UGCG: variants seen among roughly 807,000 people sequenced by gnomAD.
The protein encoded by UGCG is ceramide glucosyltransferase.
A neutral mutation model predicts 49.5 loss-of-function variants in UGCG; 10 were observed. The observed-to-expected ratio is 0.20, with a 90% CI of 0.12 to 0.34. The LOEUF is 0.34. Among genes scored for constraint, UGCG ranks in the 10% least tolerant of loss-of-function variants. UGCG has a pLI of 1.00. For missense variants in UGCG, 312 were observed against 483.7 expected (o/e 0.65, Z 3.33); for synonymous variants, 182 against 158.2 (o/e 1.15, Z -1.13).
At chr9:111,923,614 A>G (rs1838266738) in intron 3 of UGCG, among the ~76,000 whole-genome samples, 1 of 151,744 alleles carries the variant, frequency 6.6e-6, no homozygotes, top group Non-Finnish European at 1.5e-5. Flanking sequence ...TTACTGTCAT[A>G]TATTTATGGG....
chr9:111,911,909 T>G (rs1471579552), intron 1 of UGCG, among the ~76,000 whole-genome samples: 5 of 3,856 alleles, frequency 1.3e-3, no homozygotes, highest in African/African-American at 2.8e-3. Context: ...CAACAGGATA[T>G]ATATATATAT....
intron 2 of UGCG, among the ~76,000 whole-genome samples, chr9:111,919,328 C>G (rs1325781389): frequency 1.3e-5 from 2 of 151,824 alleles, no homozygotes; most frequent in East Asian, 3.9e-4. Context: ...ACTAAAAATA[C>G]AAAAATTAGC....
At chr9:111,919,262 G>A (rs1354822722) in intron 2 of UGCG, among the ~76,000 whole-genome samples, 1 of 152,180 alleles carries the variant, frequency 6.6e-6, no homozygotes, top group Non-Finnish European at 1.5e-5. Flanking sequence ...TACTTTGGAA[G>A]GCTGAGGTGG....
intron 1 of UGCG, 62 bp downstream of exon 1, chr9:111,897,375 A>G (rs1837683097): frequency 7.3e-7 from 1 of 1,378,924 alleles, no homozygotes; most frequent in African/African-American, 1.5e-5. Context: ...ACAGGCGAGA[A>G]TGGGAAACGT....
rs1838456740 is a variant in UGCG at position 111,933,114 on chromosome 9, G to C, written c.*117G>C. On this transcript the variant is annotated 3_prime_UTR_variant, in exon 9 of 9. Transcript: ENST00000374279. Reference sequence around the variant, plus strand: ...TTATCACATGTATGTTTTGGTATCTGTTCTTTAATTTATTTTTGCATGGCA... The same window carrying C: ...TTATCACATGTATGTTTTGGTATCTCTTCTTTAATTTATTTTTGCATGGCA... 1.0e-6 allele frequency: 1 copy of C among 962,086 alleles called. No homozygotes were observed. 59.6% of individuals were successfully genotyped at this position (962,086 alleles called of 1,614,324 possible).
At chr9:111,911,886 A>C (rs1838001755) in intron 1 of UGCG, among the ~76,000 whole-genome samples, 1 of 100,306 alleles carries the variant, frequency 1.0e-5, no homozygotes, top group South Asian at 3.3e-4. Flanking sequence ...ACCCTATCTC[A>C]TATGTGTATA....
rs200460111 is a variant in UGCG at position 111,896,983 on chromosome 9, A to ACCCGCAGCCGCCCGCAGCCG, written c.-218_-217insAGCCGCCCGCAGCCGCCCGC. 7.6e-3 allele frequency: 1,712 copies of ACCCGCAGCCGCCCGCAGCCG among 226,252 alleles called. 41 individuals carry two copies. The highest frequency in any genetic ancestry group is 0.038 in the African/African-American group (1,635 of 42,958). The allele number at this position is 226,252 out of a possible 1,614,324, so 14.0% of individuals were successfully genotyped here. A position where few individuals can be genotyped will look rare whatever the true frequency, so the allele number is the denominator to read the frequency against. ...CCGACCAGAGCCGGGAGACCGCAGC[A>ACCCGCAGCCGCCCGCAGCCG]CCCGCAGCCGCCCGCGAGCGCGCCG... On this transcript the variant is annotated 5_prime_UTR_variant, in exon 1 of 9. Transcript: ENST00000374279.
intron 1 of UGCG, among the ~76,000 whole-genome samples, chr9:111,911,709 G>A (rs1451421342): frequency 3.3e-5 from 5 of 151,336 alleles, no homozygotes; most frequent in Middle Eastern, 3.4e-3. Context: ...ACCAGCCTGG[G>A]CAATATAGTG....
intron 1 of UGCG, among the ~76,000 whole-genome samples, chr9:111,901,147 C>T (rs890079834): frequency 6.6e-6 from 1 of 152,216 alleles, no homozygotes; most frequent in African/African-American, 2.4e-5. Flanking sequence ...ACAGCAACTT[C>T]AATACCTGAT....
chr9:111,921,967 A>G (rs1838230328), intron 2 of UGCG, among the ~76,000 whole-genome samples: 1 of 151,460 alleles, frequency 6.6e-6, no homozygotes, highest in Non-Finnish European at 1.5e-5. Flanking sequence ...ATGCCTCACC[A>G]TGCCCAGCTA....
chr9:111,931,528 A>G (rs1838424189), intron 7 of UGCG, among the ~76,000 whole-genome samples, 171 bp downstream of exon 7: 1 of 152,202 alleles, frequency 6.6e-6, no homozygotes, highest in African/African-American at 2.4e-5. Flanking sequence ...TAATGTCTAA[A>G]TGTATTTTAT....
chr9:111,919,532 C>G (rs765095418), intron 2 of UGCG, among the ~76,000 whole-genome samples: 6 of 151,880 alleles, frequency 4.0e-5, no homozygotes, highest in Non-Finnish European at 5.9e-5. Context: ...TGGCTCACAC[C>G]TGTAATCCCA....
At chr9:111,916,368 T>G (rs1838109673) in intron 2 of UGCG, among the ~76,000 whole-genome samples, 1 of 152,212 alleles carries the variant, frequency 6.6e-6, no homozygotes. Flanking sequence ...TTAAAATTGG[T>G]CATGGAATTT....
chr9:111,917,833 T>C (rs1418111566), intron 2 of UGCG, among the ~76,000 whole-genome samples: 1 of 152,192 alleles, frequency 6.6e-6, no homozygotes, highest in African/African-American at 2.4e-5. Context: ...TCCACAGCAT[T>C]GAACACTCAT....
intron 3 of UGCG, among the ~76,000 whole-genome samples, chr9:111,924,067 C>T (rs753549790): frequency 9.9e-5 from 15 of 152,136 alleles, no homozygotes; most frequent in Admixed American, 2.0e-4. Flanking sequence ...GGATTACAGG[C>T]GTGAGCCCAT....
chr9:111,897,750 G>C (rs1837691432), intron 1 of UGCG, among the ~76,000 whole-genome samples: 1 of 151,842 alleles, frequency 6.6e-6, no homozygotes, highest in Non-Finnish European at 1.5e-5. Flanking sequence ...ACACCTCTCT[G>C]TGGATTTTCT....
chr9:111,932,957 T>C lies in UGCG; in HGVS notation c.1145T>C (p.Leu382Ser). Residue 382 changes from leucine (L) to serine (S), a missense_variant, in exon 9 of 9, where the codon TTA becomes TCA. By Grantham distance (145) the Leu-to-Ser change is moderately radical. Around this residue, in one of 4 missense-constraint regions of UGCG, gnomAD observed 180 missense variants for 320.4 expected, o/e 0.56. Coordinates refer to ENST00000374279, the MANE Select transcript of UGCG (RefSeq NM_003358.3). The part of the protein sequence containing the change: ...TISWRTGRYR[L>S]RCGGTAEEIL... ...AGCTGGAGAACTGGTCGCTACAGAT[T>C]ACGCTGTGGGGGTACAGCAGAGGAA... The C allele has an allele frequency of 6.2e-7, 1 of 1,610,490 alleles. No individual in the cohort carries two copies.
intron 1 of UGCG, among the ~76,000 whole-genome samples, chr9:111,912,542 C>G (rs1407107615): frequency 6.6e-6 from 1 of 151,544 alleles, no homozygotes; most frequent in Non-Finnish European, 1.5e-5. Flanking sequence ...CGCACCACTG[C>G]ACTCCAGCCT....
chr9:111,931,678 T>C (rs1241229916), intron 7 of UGCG, among the ~76,000 whole-genome samples: 3 of 152,160 alleles, frequency 2.0e-5, no homozygotes, highest in Non-Finnish European at 4.4e-5. Flanking sequence ...TACAAATGAA[T>C]TTAAAGACAT....
Sources: allele counts gnomAD v4.1 joint callset (sites outside exome capture counted in the v4.1 genomes callset), GRCh38; gene constraint gnomAD v4.1.1; regional missense constraint gnomAD v4.1.1; transcripts MANE v1.5; gene names NCBI Gene and HGNC (gene_info 2026-07-23, HGNC 2026-07-21).